GABRA5: variants seen among roughly 807,000 people sequenced by gnomAD.
GABRA5 encodes the protein gamma-aminobutyric acid receptor subunit alpha-5.
Under a neutral mutation model 47.3 loss-of-function variants are expected in GABRA5, and 18 were observed. That is an observed-to-expected ratio of 0.38 (90% CI 0.26 to 0.56). GABRA5 has a LOEUF of 0.56. Among genes scored for constraint, GABRA5 ranks in the 20% least tolerant of loss-of-function variants. The probability of loss-of-function intolerance (pLI) is 0.71; values close to 1 mark genes in which losing one functional copy is unlikely to be tolerated. For synonymous variants in GABRA5, 237 were observed against 229.3 expected, an observed-to-expected ratio of 1.03 and a Z score of -0.30; for missense variants, 365 against 599.3, an observed-to-expected ratio of 0.61 and a Z score of 4.08.
intron 6 of GABRA5, among the ~76,000 whole-genome samples, chr15:26,885,298 CAAAAAAA>C (rs56883238): frequency 5.7e-5 from 6 of 105,582 alleles, no homozygotes; most frequent in South Asian, 3.6e-4. Context: ...GACTCCGTTT[CAAAAAAA>C]AAAAAAAAAA....
At chr15:26,893,327 TTGTGTGTCTATG>T (rs1893070503) in intron 6 of GABRA5, among the ~76,000 whole-genome samples, 1 of 4,916 alleles carries the variant, frequency 2.0e-4, no homozygotes, top group Non-Finnish European at 4.0e-4. Flanking sequence ...ATATGGCGTG[TTGTGTGTCTATG>T]GAGTGTCGTG....
At chr15:26,925,559 T>C (rs1893941746) in intron 7 of GABRA5, among the ~76,000 whole-genome samples, 1 of 152,204 alleles carries the variant, frequency 6.6e-6, no homozygotes, top group African/African-American at 2.4e-5. Flanking sequence ...GCATTACATA[T>C]TCTCTTTTGT....
At position 26,883,517 on chromosome 15, in the gene GABRA5, C is replaced by T. The variant is rs770188153; in HGVS notation, c.457C>T (p.Leu153=). 1 of 1,606,060 alleles carries T rather than the reference C, an allele frequency of 6.2e-7. No individual in the cohort carries two copies. The highest frequency in any genetic ancestry group is 1.1e-5 in the South Asian group (1 of 90,908). The change falls in exon 6 of 11, where the codon CTG becomes TTG. Residue 153 remains leucine, a synonymous_variant. Coordinates refer to ENST00000335625, the MANE Select transcript of GABRA5 (RefSeq NM_000810.4). The surrounding 1 kb of genome is among the most constrained non-coding windows in gnomAD (Gnocchi z 4.8). ...AHNMTTPNKL[L]RLEDDGTLLY... Reference sequence around the variant, plus strand: ...CAACATGACCACGCCCAACAAGCTGCTGCGGCTGGAGGACGACGGCACCCT... The same window carrying T: ...CAACATGACCACGCCCAACAAGCTGTTGCGGCTGGAGGACGACGGCACCCT...
intron 3 of GABRA5, among the ~76,000 whole-genome samples, chr15:26,878,214 A>G (rs917174696): frequency 3.3e-5 from 5 of 152,254 alleles, no homozygotes; most frequent in Non-Finnish European, 7.3e-5. Context: ...CAATGAGCCA[A>G]AATGGAACAA....
chr15:26,914,360 C>T (rs1369977127), intron 6 of GABRA5, among the ~76,000 whole-genome samples: 1 of 152,106 alleles, frequency 6.6e-6, no homozygotes, highest in East Asian at 1.9e-4. Context: ...TGTATTACTT[C>T]AACTTTTTCT....
chr15:26,947,878 T>G, intron 10 of GABRA5, 56 bp from the exon 11 acceptor site: 21 of 1,462,198 alleles, frequency 1.4e-5, no homozygotes, highest in East Asian at 2.5e-5. Flanking sequence ...AACTCCAAGG[T>G]GAGCTGACCA....
At chr15:26,932,778 C>T (rs1179707029) in intron 7 of GABRA5, among the ~76,000 whole-genome samples, 1 of 152,064 alleles carries the variant, frequency 6.6e-6, no homozygotes, top group Non-Finnish European at 1.5e-5. Flanking sequence ...GAATACTGTG[C>T]GGCCATAAAA....
chr15:26,904,574 T>C (rs1369676781), intron 6 of GABRA5, among the ~76,000 whole-genome samples: 1 of 152,212 alleles, frequency 6.6e-6, no homozygotes, highest in Non-Finnish European at 1.5e-5. Context: ...ATTTTAGTGA[T>C]ATCAATTCTT....
chr15:26,911,294 A>G (rs1893578062), intron 6 of GABRA5, among the ~76,000 whole-genome samples: 1 of 151,806 alleles, frequency 6.6e-6, no homozygotes, highest in African/African-American at 2.4e-5. Flanking sequence ...TTTTCTTTAA[A>G]AGTGCCTTTT....
At chr15:26,869,658 A>G (rs1376294785) in intron 3 of GABRA5, among the ~76,000 whole-genome samples, 1 of 152,254 alleles carries the variant, frequency 6.6e-6, no homozygotes, top group Non-Finnish European at 1.5e-5. Flanking sequence ...GTTCACATGC[A>G]TGAAGGACAG....
At chr15:26,938,347 G>A (rs879659912) in intron 8 of GABRA5, among the ~76,000 whole-genome samples, 4 of 152,208 alleles carry the variant, frequency 2.6e-5, no homozygotes, top group Non-Finnish European at 5.9e-5. Flanking sequence ...TGCAGCAGGA[G>A]TTTGGTGTAA....
At chr15:26,909,955 A>G (rs1893539167) in intron 6 of GABRA5, among the ~76,000 whole-genome samples, 2 of 152,236 alleles carry the variant, frequency 1.3e-5, no homozygotes, top group Non-Finnish European at 2.9e-5. Flanking sequence ...AGAAGATTTT[A>G]GTAGAATTTT....
In GABRA5 at chr15:26,867,355, A is replaced by T. The variant is rs976856860; in HGVS notation, c.-140+244A>T. The T allele has an allele frequency of 9.9e-5, 15 of 151,684 alleles. No homozygotes were observed. The highest frequency in any genetic ancestry group is 3.1e-4 in the African/African-American group (13 of 41,274). 9.4% of individuals were successfully genotyped at this position (151,684 alleles called of 1,614,324 possible). The stretch of plus-strand genomic sequence containing the variant: ...GGAGAAGGAGGATGCATCCTCACCG[A>T]CGGCTCGCCTCCCGGGGCCGGCGCG... On this transcript the variant is annotated intron_variant, in intron 1 of 10. Coordinates refer to ENST00000335625, the MANE Select transcript of GABRA5 (RefSeq NM_000810.4). The surrounding 1 kb of genome is among the most constrained non-coding windows in gnomAD (Gnocchi z 5.9).
chr15:26,932,957 G>A (rs1291116562), intron 7 of GABRA5, among the ~76,000 whole-genome samples: 1 of 152,052 alleles, frequency 6.6e-6, no homozygotes, highest in African/African-American at 2.4e-5. Context: ...GGGGTAGTGC[G>A]GGGAGGGAGA....
Position 26,884,961 on chromosome 15 carries a change from G to T in GABRA5, c.497+1404G>T, listed in dbSNP as rs572616733. 2.0e-5 allele frequency among the ~76,000 whole-genome samples: 3 copies of T among 152,304 alleles called. No individual in the cohort carries two copies. The East Asian group carries it at 5.8e-4, about 29-fold the overall frequency. ...AACCCCCTCAGACCCTACCTTCTGTGTAGGAAAACGCAAGGACTGGTGCTC... is the reference window on the plus strand; with the variant it reads ...AACCCCCTCAGACCCTACCTTCTGTTTAGGAAAACGCAAGGACTGGTGCTC... On this transcript the variant is annotated intron_variant, in intron 6 of 10. Coordinates refer to ENST00000335625, the MANE Select transcript of GABRA5 (RefSeq NM_000810.4).
chr15:26,945,198 A>G (rs1894482227), intron 10 of GABRA5, among the ~76,000 whole-genome samples: 1 of 152,110 alleles, frequency 6.6e-6, no homozygotes, highest in South Asian at 2.1e-4. Flanking sequence ...TGCTGCCAGG[A>G]AGGCTCTGCG....
intron 3 of GABRA5, among the ~76,000 whole-genome samples, chr15:26,875,537 C>A (rs1201014541): frequency 1.3e-5 from 2 of 152,128 alleles, no homozygotes; most frequent in African/African-American, 4.8e-5. Flanking sequence ...GAAAGAGATG[C>A]TTGAGCAGAG....
chr15:26,930,461 C>T (rs191814456), intron 7 of GABRA5, among the ~76,000 whole-genome samples: 94 of 152,294 alleles, frequency 6.2e-4, no homozygotes, highest in African/African-American at 2.1e-3. Context: ...CCACCTTCCA[C>T]GAAAACTATG....
At chr15:26,930,489 G>C (rs1894075228) in intron 7 of GABRA5, among the ~76,000 whole-genome samples, 2 of 152,096 alleles carry the variant, frequency 1.3e-5, no homozygotes, top group African/African-American at 4.8e-5. Flanking sequence ...CACGAACATG[G>C]TTCAGTCAAG....
Sources: gnomAD v4.1 joint callset for allele counts (sites outside exome capture counted in the v4.1 genomes callset) on GRCh38, gnomAD v4.1.1 for gene constraint, Gnocchi (gnomAD v3.1) non-coding constraint, MANE v1.5 for transcripts, NCBI Gene and HGNC (gene_info 2026-07-23, HGNC 2026-07-21) for gene names.